Variants in MUC6 observed in about 807,000 individuals in gnomAD.
The protein encoded by MUC6 is mucin-6.
A neutral mutation model predicts 201.5 loss-of-function variants in MUC6; 188 were observed. The observed-to-expected ratio is 0.93, with a 90% CI of 0.83 to 1.05. The LOEUF (loss-of-function observed/expected upper bound fraction) is 1.05, where lower values mean the gene tolerates loss of function less well. Among genes scored for constraint, MUC6 ranks in the 50% least tolerant of loss-of-function variants. The pLI is 0.00. For synonymous variants in MUC6, 1,228 were observed against 1,389.4 expected (o/e 0.88, Z 2.58); for missense variants, 2,706 against 3,256.9 (o/e 0.83, Z 4.12).
intron 28 of MUC6, 49 bp from the exon 29 acceptor site, chr11:1,020,306 T>C: frequency 1.3e-6 from 2 of 1,551,606 alleles, no homozygotes; most frequent in South Asian, 2.5e-5. Context: ...GGCATATCCT[T>C]GGGGAGCACC....
chr11:1,015,241 T>C (rs1250115420), intron 31 of MUC6, among the ~76,000 whole-genome samples: 2 of 152,148 alleles, frequency 1.3e-5, no homozygotes, highest in African/African-American at 2.4e-5. Context: ...GCCCAGAGAA[T>C]TGGCATGAGC....
In MUC6 at chr11:1,027,382, C is replaced by T. The variant is rs1194119539; in HGVS notation, c.2117G>A (p.Gly706Asp). 6.2e-7 allele frequency: 1 copy of T among 1,612,920 alleles called. No individual in the cohort carries two copies. Residue 706 changes from glycine to aspartate, a missense_variant, in exon 17 of 33, where the codon GGC becomes GAC. Around this residue, in one of 10 missense-constraint regions of MUC6, gnomAD observed 1,850 missense variants for 1,958.3 expected, o/e 0.94. Transcript: ENST00000421673. ...CTCGCCCTTTTGGTTCAGGTAGGTG[C>T]CATCGGGGCAGTTGCAACCGTCCAC... ...VPVDGCNCPDGTYLNQKGECV... is the reference protein window; with the variant it reads ...VPVDGCNCPDDTYLNQKGECV...
chr11:1,031,212 C>G lies in MUC6; in HGVS notation c.531G>C (p.Gly177=), dbSNP rs751156266. The G allele has an allele frequency of 6.4e-7, 1 of 1,569,558 alleles. No homozygotes were observed. The highest frequency in any genetic ancestry group is 1.2e-5 in the South Asian group (1 of 85,912). The change falls in exon 5 of 33, where the codon GGG becomes GGC. Residue 177 remains glycine, a synonymous_variant. Coordinates refer to ENST00000421673, the MANE Select transcript of MUC6 (RefSeq NM_005961.3). ...CGTTGGTCACCTTCCCGTCAAAGTT[C>G]CCGCAGAGCCCGCACATCTGACCCA... The part of the protein sequence containing the change: ...KYMGQMCGLC[G]NFDGKVTNEF...
chr11:1,026,611 T>A (rs1013594814), intron 19 of MUC6, 133 bp from the exon 20 acceptor site: 154 of 1,166,262 alleles, frequency 1.3e-4, no homozygotes, highest in Non-Finnish European at 1.7e-4. Context: ...CTGTGGCCTT[T>A]GTGGGCAGCT....
In MUC6 at chr11:1,029,038, G is replaced by A; in HGVS notation, c.1380+8C>T. On this transcript the variant is annotated splice_region_variant and intron_variant, in intron 11 of 32. Coordinates refer to ENST00000421673, the MANE Select transcript of MUC6 (RefSeq NM_005961.3). Reference sequence around the variant, plus strand: ...TGCTGGCAGGGATGGGCGCAGGAAAGGCCTTACCTGCCTGGAGAGGTAGAC... The same window carrying A: ...TGCTGGCAGGGATGGGCGCAGGAAAAGCCTTACCTGCCTGGAGAGGTAGAC... 1 of 1,612,860 alleles carries A rather than the reference G, an allele frequency of 6.2e-7. No homozygotes were observed. Among genetic ancestry groups the A allele is most frequent in the Non-Finnish European group, 8.5e-7 (1 of 1,179,798 alleles).
At chr11:1,028,421 C>G (rs1455394763) in intron 13 of MUC6, 34 bp from the exon 14 acceptor site, 2 of 1,605,406 alleles carry the variant, frequency 1.2e-6, no homozygotes, top group African/African-American at 2.7e-5. Flanking sequence ...GACTTGAACC[C>G]ATCCCTCCTG....
chr11:1,028,689 C>T lies in MUC6; in HGVS notation c.1548G>A (p.Gln516=). The change falls in exon 13 of 33, where the codon CAG becomes CAA. Residue 516 remains glutamine (Q), a synonymous_variant. Transcript: ENST00000421673. ...ELVVQLRPIF[Q]AYVTVGPQFR... ...ACTGGGGCCCAACAGTGACATAGGC[C>T]TGGAAGATGGGGCGCAGCTGGACCA... 6.2e-7 allele frequency: 1 copy of T among 1,611,104 alleles called. No individual in the cohort carries two copies. The highest frequency in any genetic ancestry group is 8.5e-7 in the Non-Finnish European group (1 of 1,179,188).
In MUC6 at chr11:1,030,590, C is replaced by T. The variant is rs768173005; in HGVS notation, c.875G>A (p.Arg292Gln). ...SMVGQPVRRWRSPGLCSVGQC... is the reference protein window; with the variant it reads ...SMVGQPVRRWQSPGLCSVGQC... Reference sequence around the variant, plus strand: ...GGACTCACAGCACAGGCCGGGGCTCCGCCAGCGGCGGACCGGCTGGCCCAC... The same window carrying T: ...GGACTCACAGCACAGGCCGGGGCTCTGCCAGCGGCGGACCGGCTGGCCCAC... The change falls in exon 7 of 33, where the codon CGG becomes CAG. Residue 292 changes from arginine to glutamine, a missense_variant. Arg to Gln is a conservative substitution (Grantham distance 43, BLOSUM62 1). Coordinates refer to ENST00000421673, the MANE Select transcript of MUC6 (RefSeq NM_005961.3). 6.6e-6 allele frequency: 10 copies of T among 1,522,910 alleles called. No homozygotes were observed. The highest frequency in any genetic ancestry group is 3.5e-6 in the Non-Finnish European group (4 of 1,135,376). 94.3% of individuals were successfully genotyped at this position (1,522,910 alleles called of 1,614,324 possible).
chr11:1,013,611 C>CCTG lies in MUC6; in HGVS notation c.7162_7164dup (p.Gln2388dup). On this transcript the variant is annotated inframe_insertion, in exon 33 of 33. Transcript: ENST00000421673. ...CGGCAGCAGCTGCAGCGGGCATCCA[C>CCTG]CTGCTGGGTGATGATGTTGAAGCTG... 1.3e-6 allele frequency: 2 copies of CCTG among 1,564,568 alleles called. No individual in the cohort carries two copies. Among genetic ancestry groups the CCTG allele is most frequent in the Non-Finnish European group, 1.7e-6 (2 of 1,155,866 alleles).
chr11:1,033,312 C>G lies in MUC6; in HGVS notation c.53-237G>C, dbSNP rs150807489. 1.7e-3 allele frequency: 955 copies of G among 576,856 alleles called. 1 individual carries two copies. Among genetic ancestry groups the G allele is most frequent in the Non-Finnish European group, 2.4e-3 (758 of 319,020 alleles). The allele number at this position is 576,856 out of a possible 1,614,324, so 35.7% of individuals were successfully genotyped here. A position where few individuals can be genotyped will look rare whatever the true frequency, so the allele number is the denominator to read the frequency against. On this transcript the variant is annotated intron_variant, in intron 1 of 32. Coordinates refer to ENST00000421673, the MANE Select transcript of MUC6 (RefSeq NM_005961.3). This position sits in a 1 kb window ranked among gnomAD's most constrained non-coding sequence, Gnocchi z 5.6. ...TCGTTCACTCCCTCGTTTGTCCACT[C>G]AGTCCCAGTTCAGCCGTCAGCCCCT... is the stretch of plus-strand genomic sequence containing the variant.
chr11:1,030,856 G>A (rs1458085029), intron 6 of MUC6, 76 bp from the exon 7 acceptor site: 12 of 1,527,314 alleles, frequency 7.9e-6, no homozygotes, highest in Admixed American at 6.0e-5. Context: ...CGGGCAGGGC[G>A]TCTGTGATGC....
chr11:1,026,335 G>T lies in MUC6; in HGVS notation c.2538C>A (p.Cys846Ter). The T allele has an allele frequency of 6.3e-7, 1 of 1,582,524 alleles. No individual in the cohort carries two copies. Reference sequence around the variant, plus strand: ...GCGAGGCTTTGTCTCACCAGGTCCTGCAGTCAGTGTGGAGCTCAGCTCCTC... The same window carrying T: ...GCGAGGCTTTGTCTCACCAGGTCCTTCAGTCAGTGTGGAGCTCAGCTCCTC... ...YPGGAELHTD[C>*]RTCSCSRGRW... is the part of the protein sequence containing the mutation. The change falls in exon 20 of 33, where the codon TGC (cysteine) becomes TGA (stop). Residue 846 changes from cysteine (C) to a stop codon, truncating the protein, a stop_gained. Transcript: ENST00000421673. LOFTEE classifies it high-confidence loss of function.
Position 1,024,046 on chromosome 11 carries a change from C to T in MUC6, c.3283G>A (p.Gly1095Ser). The T allele has an allele frequency of 1.2e-6, 2 of 1,613,146 alleles. No individual in the cohort carries two copies. Among genetic ancestry groups the T allele is most frequent in the South Asian group, 2.2e-5 (2 of 91,080 alleles). ...CVRDACGCDS[G>S]GDCECLCDAV... ...TCGCACAGACACTCACAGTCCCCGCCACTGTCACACCCACATGCGTCGCGC... is the reference window on the plus strand; with the variant it reads ...TCGCACAGACACTCACAGTCCCCGCTACTGTCACACCCACATGCGTCGCGC... The change falls in exon 25 of 33, where the codon GGC becomes AGC. Residue 1095 changes from glycine (G) to serine (S), a missense_variant. Transcript: ENST00000421673.
chr11:1,029,287 TAAC>T lies in MUC6; in HGVS notation c.1213_1215del (p.Val405del), dbSNP rs767229871. 2 of 1,606,854 alleles carry T rather than the reference TAAC, an allele frequency of 1.2e-6. No individual in the cohort carries two copies. Among genetic ancestry groups the T allele is most frequent in the South Asian group, 2.2e-5 (2 of 89,870 alleles). On this transcript the variant is annotated inframe_deletion, in exon 10 of 33. Coordinates refer to ENST00000421673, the MANE Select transcript of MUC6 (RefSeq NM_005961.3). ...CGGTAGGGCCTGGCGTCAAATGTGG[TAAC>T]AAAGGAGCCACCTTCCAGGGAGCAG...
In MUC6 at chr11:1,026,074, C is replaced by T. The variant is rs755371635; in HGVS notation, c.2614G>A (p.Gly872Arg). The change falls in exon 21 of 33, where the codon GGG (glycine) becomes AGG (arginine). Residue 872 changes from glycine (G) to arginine (R), a missense_variant. Coordinates refer to ENST00000421673, the MANE Select transcript of MUC6 (RefSeq NM_005961.3). ...TCGAAGGTGATGACGTGGCCCTCCCCGTAGAGGGTGCAGGTGGATGGGCAG... is the reference window on the plus strand; with the variant it reads ...TCGAAGGTGATGACGTGGCCCTCCCTGTAGAGGGTGCAGGTGGATGGGCAG... ...THCPSTCTLY[G>R]EGHVITFDGQ... The T allele has an allele frequency of 1.0e-5, 16 of 1,597,562 alleles. No homozygotes were observed. The highest frequency in any genetic ancestry group is 6.8e-5 in the South Asian group (6 of 88,124).
Position 1,013,644 on chromosome 11 carries a change from G to T in MUC6, c.7143-11C>A. On this transcript the variant is annotated splice_polypyrimidine_tract_variant and intron_variant, in intron 32 of 32. Transcript: ENST00000421673. ...GTGATGATGTTGAAGCTGCCGAGAA[G>T]TCAAGACAGAGCAGGGTCATGACTG... 1 of 1,556,166 alleles carries T rather than the reference G, an allele frequency of 6.4e-7. No homozygotes were observed.
chr11:1,018,279 C>A lies in MUC6; in HGVS notation c.4522G>T (p.Gly1508Trp), dbSNP rs201852389. 5.2e-6 allele frequency: 8 copies of A among 1,527,676 alleles called. No homozygotes were observed. The highest frequency in any genetic ancestry group is 1.7e-5 in the African/African-American group (1 of 59,064). 94.6% of individuals were successfully genotyped at this position (1,527,676 alleles called of 1,614,324 possible). A position where few individuals can be genotyped will look rare whatever the true frequency, so the allele number is the denominator to read the frequency against. The change falls in exon 31 of 33, where the codon GGG becomes TGG. Residue 1508 changes from glycine to tryptophan, a missense_variant. Physicochemically the swap from Gly to Trp is radical, Grantham distance 184 (BLOSUM62 -2). Transcript: ENST00000421673. ...AATGAGCTGTGGGCTTGGCTGGTCCCACTGGTGGTCGGCGTTATTGGTGGG... is the reference window on the plus strand; with the variant it reads ...AATGAGCTGTGGGCTTGGCTGGTCCAACTGGTGGTCGGCGTTATTGGTGGG... ...TAPPITPTTSGTSQAHSSFST... is the reference protein window; with the variant it reads ...TAPPITPTTSWTSQAHSSFST...
At position 1,016,054 on chromosome 11, in the gene MUC6, CGGAAATGCAATGGTGCT is replaced by C. The variant is rs1564831284; in HGVS notation, c.6730_6746del (p.Ser2244ValfsTer124). 1 of 1,611,290 alleles carries C rather than the reference CGGAAATGCAATGGTGCT, an allele frequency of 6.2e-7. No individual in the cohort carries two copies. The highest frequency in any genetic ancestry group is 8.5e-7 in the Non-Finnish European group (1 of 1,178,316). On this transcript the variant is annotated frameshift_variant, in exon 31 of 33. Coordinates refer to ENST00000421673, the MANE Select transcript of MUC6 (RefSeq NM_005961.3). LOFTEE classifies it high-confidence loss of function. ...TGCTGGCCGTGGTCCTGGGCGTGGA[CGGAAATGCAATGGTGCT>C]GGAGGCTAGGTGGCTGGATGGGGTG...
chr11:1,020,167 T>A lies in MUC6; in HGVS notation c.3731A>T (p.His1244Leu). The change falls in exon 29 of 33, where the codon CAC becomes CTC. Residue 1244 changes from histidine to leucine, a missense_variant. Around this residue, in one of 10 missense-constraint regions of MUC6, gnomAD observed 1,850 missense variants for 1,958.3 expected, o/e 0.94. Coordinates refer to ENST00000421673, the MANE Select transcript of MUC6 (RefSeq NM_005961.3). Reference protein sequence around the residue: ...SSTGPSPSSNHTPASPTQTPL... With the variant: ...SSTGPSPSSNLTPASPTQTPL... ...TGTCTGGGTGGGGCTGGCAGGGGTG[T>A]GATTAGAGCTGGGTGAGGGTCCGGT... 6.2e-7 allele frequency: 1 copy of A among 1,611,892 alleles called. No homozygotes were observed. Among genetic ancestry groups the A allele is most frequent in the Non-Finnish European group, 8.5e-7 (1 of 1,179,606 alleles).
Sources: gnomAD v4.1 joint callset for allele counts (sites outside exome capture counted in the v4.1 genomes callset) on GRCh38, gnomAD v4.1.1 for gene constraint, gnomAD v4.1.1 regional missense constraint, Gnocchi (gnomAD v3.1) non-coding constraint, MANE v1.5 for transcripts, NCBI Gene and HGNC (gene_info 2026-07-23, HGNC 2026-07-21) for gene names.